Variants in EIPR1 observed in about 807,000 individuals in gnomAD.
EIPR1 encodes EARP complex and GARP complex interacting protein 1.
Under a neutral mutation model 48.1 loss-of-function variants are expected in EIPR1, and 25 were observed. That is an observed-to-expected ratio of 0.52 (90% confidence interval 0.38 to 0.73). The LOEUF is 0.73. EIPR1 is among the 30% of genes least tolerant of loss of function. The pLI is 0.00. For synonymous variants in EIPR1, 204 were observed against 201.9 expected, an observed-to-expected ratio of 1.01 and a Z score of -0.09; for missense variants, 415 against 506.2, an observed-to-expected ratio of 0.82 and a Z score of 1.73.
At chr2:3,309,851 A>T (rs1342888028) in intron 3 of EIPR1, among the ~76,000 whole-genome samples, 1 of 152,136 alleles carries the variant, frequency 6.6e-6, no homozygotes, top group Non-Finnish European at 1.5e-5. Flanking sequence ...TGTGGGAGAG[A>T]GGCAGCAGAG....
At chr2:3,192,350 G>A (rs1664633801) in intron 8 of EIPR1, 64 bp downstream of exon 8, 3 of 1,490,140 alleles carry the variant, frequency 2.0e-6, no homozygotes, top group Admixed American at 4.8e-5. Context: ...CCTGGCTCGG[G>A]AGATGGCTGT....
chr2:3,254,829 T>C (rs904613364), intron 4 of EIPR1, among the ~76,000 whole-genome samples: 1 of 152,174 alleles, frequency 6.6e-6, no homozygotes, highest in Admixed American at 6.5e-5. Flanking sequence ...ATGGCACAGA[T>C]GTCAATGTTC....
intron 3 of EIPR1, among the ~76,000 whole-genome samples, chr2:3,313,845 C>T (rs1173758916): frequency 6.6e-6 from 1 of 152,208 alleles, no homozygotes; most frequent in Non-Finnish European, 1.5e-5. Context: ...GGATTCGGAT[C>T]AGGGAGGGCG....
chr2:3,349,826 A>G (rs1356550263), intron 2 of EIPR1, among the ~76,000 whole-genome samples: 1 of 152,212 alleles, frequency 6.6e-6, no homozygotes, highest in Non-Finnish European at 1.5e-5. Flanking sequence ...TCACACTGCT[A>G]TAAAGAACTA....
chr2:3,353,750 T>A (rs1670647508), intron 2 of EIPR1, among the ~76,000 whole-genome samples: 1 of 152,220 alleles, frequency 6.6e-6, no homozygotes, highest in Non-Finnish European at 1.5e-5. Flanking sequence ...ATGACTATGC[T>A]GACTTTAAAT....
In EIPR1 at chr2:3,286,679, A is replaced by G. The variant is rs2103267247; in HGVS notation, c.260-29224T>C. Among the ~76,000 whole-genome samples, 1 of 152,366 alleles carries G rather than the reference A, an allele frequency of 6.6e-6. No individual in the cohort carries two copies. The highest frequency in any genetic ancestry group is 2.1e-4 in the South Asian group (1 of 4,834). ...CACCCGAGACAGCGGCTGGCAGAGC[A>G]CAGGCAGCAATGCCCCAGAGGAACA... On this transcript the variant is annotated intron_variant, in intron 3 of 8. Transcript: ENST00000382125. This position sits in a 1 kb window ranked among gnomAD's most constrained non-coding sequence, Gnocchi z 4.2.
chr2:3,242,381 CAG>C (rs1398348963), intron 4 of EIPR1, among the ~76,000 whole-genome samples: 6 of 118,020 alleles, frequency 5.1e-5, no homozygotes, highest in African/African-American at 1.9e-4. Flanking sequence ...GGCTGGAAGA[CAG>C]AGATTTCAGG....
chr2:3,195,940 T>C (rs1220723141), intron 6 of EIPR1, among the ~76,000 whole-genome samples: 3 of 152,192 alleles, frequency 2.0e-5, no homozygotes, highest in Non-Finnish European at 2.9e-5. Flanking sequence ...GTAACGTCAG[T>C]CTTTGAGTTT....
intron 5 of EIPR1, among the ~76,000 whole-genome samples, chr2:3,203,357 A>G (rs1665114688): frequency 6.6e-6 from 1 of 152,254 alleles, no homozygotes; most frequent in Non-Finnish European, 1.5e-5. Context: ...ACATCAGTGA[A>G]ACACAGGAGT....
At chr2:3,354,657 T>C in intron 1 of EIPR1, 24 bp from the exon 2 acceptor site, 5 of 1,607,080 alleles carry the variant, frequency 3.1e-6, no homozygotes, top group Non-Finnish European at 4.3e-6. Flanking sequence ...GAAAAACACA[T>C]GCACATTTAT....
intron 3 of EIPR1, among the ~76,000 whole-genome samples, chr2:3,273,138 A>G (rs1402277218): frequency 2.0e-5 from 3 of 152,218 alleles, no homozygotes; most frequent in Non-Finnish European, 4.4e-5. Context: ...ATTCTCTTTC[A>G]TGTATCAATA....
At position 3,286,484 on chromosome 2, in the gene EIPR1, G is replaced by A. The variant is rs964050770; in HGVS notation, c.260-29029C>T. On this transcript the variant is annotated intron_variant, in intron 3 of 8. Coordinates refer to ENST00000382125, the MANE Select transcript of EIPR1 (RefSeq NM_003310.5). The surrounding 1 kb of genome is among the most constrained non-coding windows in gnomAD (Gnocchi z 4.2). The stretch of plus-strand genomic sequence containing the variant: ...CATGTCCTGGGCACATGGGAAGACC[G>A]AGAGGTGAGGGACACTTGGTGTCCG... Among the ~76,000 whole-genome samples, 1 of 152,210 alleles carries A rather than the reference G, an allele frequency of 6.6e-6. No homozygotes were observed. The highest frequency in any genetic ancestry group is 2.4e-5 in the African/African-American group (1 of 41,454).
rs1251927587 is a variant in EIPR1, at chr2:3,283,962, AAAAG to A, written c.260-26511_260-26508del. 5.8e-3 allele frequency among the ~76,000 whole-genome samples: 822 copies of A among 142,592 alleles called. 4 individuals are homozygous for A. Among genetic ancestry groups the A allele is most frequent in the Middle Eastern group, 0.03 (8 of 266 alleles). The allele number at this position is 142,592 out of a possible 152,430, so 93.5% of individuals were successfully genotyped here. ...CTACATCTAAAAAAAAAAAAAAAAA[AAAAG>A]AAAGAAAGAAAAAAAGAAAAGGGAA... On this transcript the variant is annotated intron_variant, in intron 3 of 8. Transcript: ENST00000382125.
At chr2:3,239,896 G>T (rs1019970997) in intron 4 of EIPR1, among the ~76,000 whole-genome samples, 3 of 152,218 alleles carry the variant, frequency 2.0e-5, no homozygotes, top group Non-Finnish European at 4.4e-5. Flanking sequence ...ACATAAACAG[G>T]TCTCTTTGTT....
At chr2:3,282,215 C>T (rs753828523) in intron 3 of EIPR1, among the ~76,000 whole-genome samples, 3 of 152,308 alleles carry the variant, frequency 2.0e-5, no homozygotes, top group East Asian at 1.9e-4. Flanking sequence ...TCACCAGCCC[C>T]GGGCCACCGT....
At chr2:3,260,822 C>G (rs1300635694) in intron 3 of EIPR1, among the ~76,000 whole-genome samples, 1 of 152,160 alleles carries the variant, frequency 6.6e-6, no homozygotes, top group Non-Finnish European at 1.5e-5. Context: ...GTGAGACTCA[C>G]CACACATCTT....
chr2:3,297,441 C>T (rs531537938), intron 3 of EIPR1, among the ~76,000 whole-genome samples: 3 of 152,344 alleles, frequency 2.0e-5, no homozygotes, highest in East Asian at 3.9e-4. Context: ...TAAATAAGGG[C>T]TGTAGATGAG....
chr2:3,236,202 G>T (rs186838264), intron 4 of EIPR1, among the ~76,000 whole-genome samples: 157 of 152,298 alleles, frequency 1.0e-3, no homozygotes, highest in Middle Eastern at 6.8e-3. Context: ...AAAGTCTACA[G>T]AATACTGTTA....
At chr2:3,334,019 A>C (rs56316219) in intron 3 of EIPR1, among the ~76,000 whole-genome samples, 31,901 of 151,644 alleles carry the variant, frequency 0.21, 5,225 homozygotes, top group East Asian at 0.58. Context: ...AAAATATCAC[A>C]CAAACTAATG....
Sources: gnomAD v4.1 joint callset for allele counts (sites outside exome capture counted in the v4.1 genomes callset) on GRCh38, gnomAD v4.1.1 for gene constraint, Gnocchi (gnomAD v3.1) non-coding constraint, MANE v1.5 for transcripts, NCBI Gene and HGNC (gene_info 2026-07-23, HGNC 2026-07-21) for gene names.